Variants in MYO5C observed in about 807,000 individuals in gnomAD.
MYO5C encodes the protein myosin VC.
In MYO5C, 194 loss-of-function variants were observed where a neutral mutation model predicts 235.7. The ratio of observed to expected loss-of-function variants is 0.82; its 90% CI spans 0.73 to 0.93. MYO5C has a LOEUF of 0.93. Ranked by LOEUF, MYO5C falls within the 40% of genes least tolerant of loss-of-function variation. The pLI, the probability that MYO5C is intolerant of heterozygous loss-of-function variation, is 0.00. For synonymous variants in MYO5C, 707 were observed against 754.8 expected (o/e 0.94, Z 1.04); for missense variants, 2,038 against 2,127.2 (o/e 0.96, Z 0.82).
At chr15:52,289,341 C>T (rs1355315204) in intron 1 of MYO5C, among the ~76,000 whole-genome samples, 1 of 152,154 alleles carries the variant, frequency 6.6e-6, no homozygotes, top group Non-Finnish European at 1.5e-5. Flanking sequence ...TGGAGCTCTA[C>T]ACCACATTTC....
At position 52,237,310 on chromosome 15, in the gene MYO5C, T is replaced by C. The variant is rs1488267758; in HGVS notation, c.2868+172A>G. 8.4e-6 allele frequency: 6 copies of C among 710,798 alleles called. No homozygotes were observed. The Admixed American group carries it at 1.6e-4, about 19-fold the overall frequency. The allele number at this position is 710,798 out of a possible 1,614,324, so 44.0% of individuals were successfully genotyped here. ...TAACCTCCTCCCTTCCCCTAGACTC[T>C]AATCCTCTGATCTCGCCTTTCCTAA... is the stretch of plus-strand genomic sequence containing the variant. On this transcript the variant is annotated intron_variant, in intron 22 of 40. Coordinates refer to ENST00000261839, the MANE Select transcript of MYO5C (RefSeq NM_018728.4).
chr15:52,218,255 C>T (rs547539757), intron 32 of MYO5C, among the ~76,000 whole-genome samples: 8 of 152,212 alleles, frequency 5.3e-5, no homozygotes, highest in South Asian at 4.2e-4. Context: ...TGGGTGGTGC[C>T]GTGCACTGAT....
chr15:52,275,647 G>A lies in MYO5C; in HGVS notation c.521C>T (p.Ala174Val), dbSNP rs2037030783. ...GCTGACGGTGGCAAAGTACCTCATGGCATAGCGAGCCGACACTGTCTTTCC... is the reference window on the plus strand; with the variant it reads ...GCTGACGGTGGCAAAGTACCTCATGACATAGCGAGCCGACACTGTCTTTCC... ...GAGKTVSARY[A>V]MRYFATVSKS... Residue 174 changes from alanine (A) to valine (V), a missense_variant, in exon 5 of 41, where the codon GCC becomes GTC. Physicochemically the swap from Ala to Val is moderately conservative, Grantham distance 64 (BLOSUM62 0). Coordinates refer to ENST00000261839, the MANE Select transcript of MYO5C (RefSeq NM_018728.4). The A allele has an allele frequency of 1.2e-6, 2 of 1,614,026 alleles. No homozygotes were observed. Among genetic ancestry groups the A allele is most frequent in the Admixed American group, 3.3e-5 (2 of 59,990 alleles).
intron 35 of MYO5C, among the ~76,000 whole-genome samples, chr15:52,209,730 T>C (rs1818135049): frequency 6.6e-6 from 1 of 152,186 alleles, no homozygotes; most frequent in South Asian, 2.1e-4. Context: ...TATGCAAATA[T>C]GGACAGGGAA....
At chr15:52,215,593 T>C (rs967514664) in intron 32 of MYO5C, among the ~76,000 whole-genome samples, 1 of 152,186 alleles carries the variant, frequency 6.6e-6, no homozygotes. Flanking sequence ...AGGAACTCTA[T>C]TGACCTTAGA....
At chr15:52,267,016 C>T (rs2036828490) in intron 8 of MYO5C, among the ~76,000 whole-genome samples, 2 of 152,210 alleles carry the variant, frequency 1.3e-5, no homozygotes, top group Admixed American at 1.3e-4. Context: ...TGTGCACAGG[C>T]TAAGTGTCCA....
In MYO5C at chr15:52,235,723, G is replaced by A. The variant is rs1362130759; in HGVS notation, c.2909C>T (p.Thr970Ile). ...KLQKHNSELE[T>I]QKEQIQLKLQ... ...CTTCAGCTGTATTTGTTCTTTCTGT[G>A]TTTCCAGTTCTGAATTATGCTTCTG... is the stretch of plus-strand genomic sequence containing the variant. The change falls in exon 23 of 41, where the codon ACA (threonine) becomes ATA (isoleucine). Residue 970 changes from threonine to isoleucine, a missense_variant. Transcript: ENST00000261839. The A allele has an allele frequency of 1.9e-6, 3 of 1,612,024 alleles. No individual in the cohort carries two copies. Among genetic ancestry groups the A allele is most frequent in the Admixed American group, 3.3e-5 (2 of 59,778 alleles).
chr15:52,268,407 C>CA (rs1390513483), intron 8 of MYO5C, among the ~76,000 whole-genome samples: 2 of 152,048 alleles, frequency 1.3e-5, no homozygotes, highest in Admixed American at 1.3e-4. Flanking sequence ...TACTAAAATA[C>CA]AAAAAATTAG....
At chr15:52,217,540 C>T (rs966602032) in intron 32 of MYO5C, among the ~76,000 whole-genome samples, 3 of 152,296 alleles carry the variant, frequency 2.0e-5, no homozygotes, top group Admixed American at 6.5e-5. Context: ...GGACAACAGG[C>T]GGTTGCTTCT....
chr15:52,227,629 A>AC (rs1211429461), intron 25 of MYO5C, among the ~76,000 whole-genome samples: 2 of 152,064 alleles, frequency 1.3e-5, no homozygotes, highest in Non-Finnish European at 2.9e-5. Context: ...CAGACCTCAG[A>AC]CCTCAGCCAG....
At chr15:52,253,234 G>T in intron 12 of MYO5C, 83 bp downstream of exon 12, 1 of 1,311,676 alleles carries the variant, frequency 7.6e-7, no homozygotes, top group Non-Finnish European at 1.1e-6. Flanking sequence ...GACTTCACAA[G>T]CACACTTCAA....
Position 52,221,146 on chromosome 15 carries a change from T to C in MYO5C, c.3721+16A>G. On this transcript the variant is annotated intron_variant, in intron 30 of 40. Coordinates refer to ENST00000261839, the MANE Select transcript of MYO5C (RefSeq NM_018728.4). ...AAACCGTTTTCTAAAAGCAGGTTAA[T>C]GAGGGTTTCAGTTACCTTTCATTTT... 2 of 1,598,034 alleles carry C rather than the reference T, an allele frequency of 1.3e-6. No individual in the cohort carries two copies. Among genetic ancestry groups the C allele is most frequent in the Non-Finnish European group, 1.7e-6 (2 of 1,169,522 alleles).
chr15:52,245,540 C>T, intron 17 of MYO5C, 75 bp from the exon 18 acceptor site: 1 of 1,009,610 alleles, frequency 9.9e-7, no homozygotes, highest in Non-Finnish European at 1.6e-6. Flanking sequence ...GCTGCCTTAC[C>T]TGCCACTGTT....
At chr15:52,266,959 T>C (rs914105904) in intron 8 of MYO5C, among the ~76,000 whole-genome samples, 5 of 152,160 alleles carry the variant, frequency 3.3e-5, no homozygotes, top group African/African-American at 1.2e-4. Flanking sequence ...CACGGTACTC[T>C]ACCTCTCCAC....
chr15:52,259,694 T>C (rs1487589326), intron 10 of MYO5C, among the ~76,000 whole-genome samples: 3 of 152,262 alleles, frequency 2.0e-5, no homozygotes, highest in Non-Finnish European at 4.4e-5. Flanking sequence ...ATTTTATAAC[T>C]GTTGACACGT....
rs1331187141 is a variant in MYO5C at position 52,239,804 on chromosome 15, T to G, written c.2632A>C (p.Ile878Leu). 6.2e-7 allele frequency: 1 copy of G among 1,613,864 alleles called. No homozygotes were observed. The highest frequency in any genetic ancestry group is 1.3e-5 in the African/African-American group (1 of 74,940). The change falls in exon 21 of 41, where the codon ATC becomes CTC. Residue 878 changes from isoleucine to leucine, a missense_variant. Ile to Leu is a conservative substitution (Grantham distance 5). Coordinates refer to ENST00000261839, the MANE Select transcript of MYO5C (RefSeq NM_018728.4). The part of the protein sequence containing the change: ...AWLARRRFQS[I>L]RRFVLNIQLT... ...TGAATATTAAGCACGAATCGTCGGA[T>G]ACTCTGGAATCTGCGTCTGGCCAGC...
intron 38 of MYO5C, among the ~76,000 whole-genome samples, chr15:52,203,236 T>C (rs936561227): frequency 6.6e-6 from 1 of 151,922 alleles, no homozygotes; most frequent in Non-Finnish European, 1.5e-5. Context: ...TGAAATGTTT[T>C]GATACAGGCA....
intron 10 of MYO5C, among the ~76,000 whole-genome samples, chr15:52,259,161 C>A (rs1419512258): frequency 6.6e-6 from 1 of 152,178 alleles, no homozygotes; most frequent in Non-Finnish European, 1.5e-5. Flanking sequence ...TGGCTCACGC[C>A]TGTAATCCCA....
At chr15:52,208,405 C>T in intron 36 of MYO5C, 149 bp downstream of exon 36, 1 of 614,034 alleles carries the variant, frequency 1.6e-6, no homozygotes, top group Non-Finnish European at 2.8e-6. Context: ...CCAGAAGTCT[C>T]CTGCCTGTGG....
Sources: gnomAD v4.1 joint callset for allele counts (sites outside exome capture counted in the v4.1 genomes callset) on GRCh38, gnomAD v4.1.1 for gene constraint, MANE v1.5 for transcripts, NCBI Gene and HGNC (gene_info 2026-07-23, HGNC 2026-07-21) for gene names.